Variants in MYRF observed in about 807,000 individuals in gnomAD.
MYRF encodes myelin gene regulatory factor.
MYRF carries 16 observed loss-of-function variants against 126.3 expected under a neutral mutation model. The ratio of observed to expected loss-of-function variants is 0.13; its 90% CI spans 0.09 to 0.19. MYRF has a LOEUF of 0.19. MYRF is among the 10% of genes least tolerant of loss of function. The pLI, the probability that MYRF is intolerant of heterozygous loss-of-function variation, is 1.00. For synonymous variants in MYRF, 608 were observed against 635.3 expected (o/e 0.96, Z 0.65); for missense variants, 1,104 against 1,547.0 (o/e 0.71, Z 4.80).
intron 3 of MYRF, among the ~76,000 whole-genome samples, chr11:61,767,986 C>T (rs1344271473): frequency 3.3e-5 from 5 of 151,820 alleles, no homozygotes; most frequent in South Asian, 2.1e-4. Flanking sequence ...GGTGTGGTGG[C>T]GCATGCCTGT....
intron 1 of MYRF, chr11:61,755,536 G>A (rs541270014): frequency 7.4e-6 from 11 of 1,478,718 alleles, no homozygotes; most frequent in Non-Finnish European, 9.3e-6. Context: ...GGACCTCAGA[G>A]TTCTGGTGCA....
Position 61,776,996 on chromosome 11 carries a change from G to A in MYRF, c.1590+119G>A, listed in dbSNP as rs571407508. 8 of 954,114 alleles carry A rather than the reference G, an allele frequency of 8.4e-6. No individual in the cohort carries two copies. The East Asian group carries it at 2.1e-4, about 25-fold the overall frequency. 59.1% of individuals were successfully genotyped at this position (954,114 alleles called of 1,614,324 possible). On this transcript the variant is annotated intron_variant, in intron 11 of 26. Coordinates refer to ENST00000278836, the MANE Select transcript of MYRF (RefSeq NM_001127392.3). The surrounding 1 kb of genome is among the most constrained non-coding windows in gnomAD (Gnocchi z 4.3). ...GGCATGCTCATCCTGCTAGGCACTG[G>A]CTGTGTGGCCTTGGGCAAAGCTCCC...
intron 18 of MYRF, 47 bp downstream of exon 18, chr11:61,780,337 T>C: frequency 1.3e-6 from 2 of 1,529,764 alleles, no homozygotes; most frequent in Non-Finnish European, 9.0e-7. Flanking sequence ...GGTGGGGCTT[T>C]GGTGGGCAGT....
intron 3 of MYRF, chr11:61,766,992 C>T (rs986386436): frequency 2.6e-5 from 12 of 455,918 alleles, no homozygotes; most frequent in Admixed American, 7.1e-5. Flanking sequence ...CCGTCTGCCT[C>T]GGTAACCCAT....
At chr11:61,773,247 C>T (rs1452987683) in intron 7 of MYRF, among the ~76,000 whole-genome samples, 1 of 152,148 alleles carries the variant, frequency 6.6e-6, no homozygotes, top group African/African-American at 2.4e-5. Flanking sequence ...CTTGGCCTCC[C>T]AAAGTGCTGG....
Position 61,781,759 on chromosome 11 carries a change from C to G in MYRF, c.2951C>G (p.Ala984Gly), listed in dbSNP as rs2066557359. The G allele has an allele frequency of 6.2e-7, 1 of 1,611,246 alleles. No homozygotes were observed. The highest frequency in any genetic ancestry group is 1.1e-5 in the South Asian group (1 of 90,888). The change falls in exon 22 of 27, where the codon GCC becomes GGC. Residue 984 changes from alanine (A) to glycine (G), a missense_variant. Ala to Gly is a moderately conservative substitution (Grantham distance 60, BLOSUM62 0). Coordinates refer to ENST00000278836, the MANE Select transcript of MYRF (RefSeq NM_001127392.3). ...NSPSLGFHGRARRGALQSSVG... is the reference protein window; with the variant it reads ...NSPSLGFHGRGRRGALQSSVG... ...CCCAGCCTTGGTTTCCATGGCCGGG[C>G]CCGCCGAGGGGCCCTCCAGTCCAGC...
rs1203068441 is a variant in MYRF, at chr11:61,762,460, G to A, written c.47-3165G>A. On this transcript the variant is annotated intron_variant, in intron 1 of 26. Coordinates refer to ENST00000278836, the MANE Select transcript of MYRF (RefSeq NM_001127392.3). ...TCAGAGAGGTCTTGAGGATCAGAAC[G>A]AGCCATATGGCCCATGTTCCGCTTC... is the stretch of plus-strand genomic sequence containing the variant. Among the ~76,000 whole-genome samples the A allele has an allele frequency of 3.3e-5, 5 of 152,296 alleles. 1 individual carries two copies. In the South Asian group the frequency reaches 8.3e-4, roughly 25 times the overall value.
In MYRF at chr11:61,757,732, A is replaced by G. The variant is rs1035877722; in HGVS notation, c.46+4942A>G. The G allele has an allele frequency of 2.8e-5, 10 of 353,146 alleles. No individual in the cohort carries two copies. The highest frequency in any genetic ancestry group is 3.4e-5 in the Non-Finnish European group (6 of 177,130). 21.9% of individuals were successfully genotyped at this position (353,146 alleles called of 1,614,324 possible). ...TATTGTGACTTCATCTGCTGCACCCAGGCTCTTTGCACGTTGTCTTCCTGG... is the reference window on the plus strand; with the variant it reads ...TATTGTGACTTCATCTGCTGCACCCGGGCTCTTTGCACGTTGTCTTCCTGG... On this transcript the variant is annotated intron_variant, in intron 1 of 26. Transcript: ENST00000278836. This position sits in a 1 kb window ranked among gnomAD's most constrained non-coding sequence, Gnocchi z 4.7.
intron 20 of MYRF, 42 bp from the exon 21 acceptor site, chr11:61,781,096 C>T (rs1158307745): frequency 6.2e-7 from 1 of 1,611,506 alleles, no homozygotes; most frequent in South Asian, 1.1e-5. Flanking sequence ...TATGTTCTGT[C>T]TTTGGGGCTT....
chr11:61,778,743 T>G lies in MYRF; in HGVS notation c.2013+254T>G. ...AGAAACCCTGTGGAGGGCCATGGCC[T>G]TCCACCCCCGGTAAAATGAGGGCGG... On this transcript the variant is annotated intron_variant, in intron 14 of 26. Coordinates refer to ENST00000278836, the MANE Select transcript of MYRF (RefSeq NM_001127392.3). The surrounding 1 kb of genome is among the most constrained non-coding windows in gnomAD (Gnocchi z 4.6). 1.6e-6 allele frequency: 1 copy of G among 630,608 alleles called. No individual in the cohort carries two copies. The highest frequency in any genetic ancestry group is 3.3e-5 in the East Asian group (1 of 30,582). 39.1% of individuals were successfully genotyped at this position (630,608 alleles called of 1,614,324 possible).
At chr11:61,781,990 A>G in intron 22 of MYRF, 166 bp downstream of exon 22, 1 of 744,118 alleles carries the variant, frequency 1.3e-6, no homozygotes, top group Non-Finnish European at 2.0e-6. Flanking sequence ...CCTTACATAG[A>G]TCATCCCATT....
chr11:61,771,641 G>A lies in MYRF; in HGVS notation c.882G>A (p.Ser294=), dbSNP rs200687811. ...CTCTGCACCCCACTCGAGCCCCATC[G>A]CCACCCTGGCCTCCCCAGGGTCCGC... ...ALPLHPTRAP[S]PPWPPQGPLS... Residue 294 remains serine (S), a synonymous_variant, in exon 6 of 27, where the codon TCG becomes TCA. Coordinates refer to ENST00000278836, the MANE Select transcript of MYRF (RefSeq NM_001127392.3). 4 of 1,613,832 alleles carry A rather than the reference G, an allele frequency of 2.5e-6. No homozygotes were observed. The highest frequency in any genetic ancestry group is 2.2e-5 in the East Asian group (1 of 44,834).
rs199509876 is a variant in MYRF, at chr11:61,774,108, G to A, written c.1257G>A (p.Thr419=). The part of the protein sequence containing the change: ...GMLGEPKYVK[T]PEGLKPLDCF... Reference sequence around the variant, plus strand: ...TGGGCGAGCCCAAGTACGTCAAGACGCCCGAGGGCCTCAAGCCCCTCGACT... The same window carrying A: ...TGGGCGAGCCCAAGTACGTCAAGACACCCGAGGGCCTCAAGCCCCTCGACT... The change falls in exon 8 of 27, where the codon ACG becomes ACA. Residue 419 remains threonine (T), a synonymous_variant. Transcript: ENST00000278836. The A allele has an allele frequency of 9.3e-6, 15 of 1,613,666 alleles. No homozygotes were observed. Among genetic ancestry groups the A allele is most frequent in the African/African-American group, 2.7e-5 (2 of 75,046 alleles).
intron 7 of MYRF, among the ~76,000 whole-genome samples, chr11:61,772,299 C>A (rs890538666): frequency 6.6e-6 from 1 of 152,162 alleles, no homozygotes; most frequent in South Asian, 2.1e-4. Context: ...CTCCCGGCAG[C>A]CCCCTCCCTA....
chr11:61,776,451 T>G lies in MYRF; in HGVS notation c.1499+19T>G. 6.3e-7 allele frequency: 1 copy of G among 1,596,992 alleles called. No individual in the cohort carries two copies. The highest frequency in any genetic ancestry group is 8.6e-7 in the Non-Finnish European group (1 of 1,169,492). ...ACCAGAGGTGAGCAGGTGGGGGCCC[T>G]GCCCCGGAGCCCCTCCATTTCTGAG... On this transcript the variant is annotated intron_variant, in intron 10 of 26. Coordinates refer to ENST00000278836, the MANE Select transcript of MYRF (RefSeq NM_001127392.3). The surrounding 1 kb of genome is among the most constrained non-coding windows in gnomAD (Gnocchi z 4.3).
intron 1 of MYRF, chr11:61,755,461 A>T: frequency 6.2e-7 from 1 of 1,608,772 alleles, no homozygotes; most frequent in Non-Finnish European, 8.5e-7. Context: ...GCCATGGTAT[A>T]AGGGGGCTTT....
In MYRF at chr11:61,752,764, C is replaced by G. The variant is rs1367575757; in HGVS notation, c.20C>G (p.Thr7Arg). 3 of 1,484,556 alleles carry G rather than the reference C, an allele frequency of 2.0e-6. No homozygotes were observed. The highest frequency in any genetic ancestry group is 2.7e-6 in the Non-Finnish European group (3 of 1,122,738). The allele number at this position is 1,484,556 out of a possible 1,614,324, so 92.0% of individuals were successfully genotyped here. A position where few individuals can be genotyped will look rare whatever the true frequency, so the allele number is the denominator to read the frequency against. MEVVDE[T>R]EALQRFFEGH... ...CGGGACATGGAGGTGGTGGACGAGA[C>G]GGAGGCGCTGCAGCGCTTCTTCGAA... is the stretch of plus-strand genomic sequence containing the variant. Residue 7 changes from threonine to arginine, a missense_variant, in exon 1 of 27, where the codon ACG becomes AGG. By Grantham distance (71) the Thr-to-Arg change is moderately conservative (BLOSUM62 -1). Transcript: ENST00000278836.
chr11:61,752,657 C>A lies in MYRF; in HGVS notation c.-88C>A. The stretch of plus-strand genomic sequence containing the variant: ...GACCGTAGCCGGAGCCCAGCCGGGA[C>A]TGTCGCGCGGGCCGCGCCGGCGATG... On this transcript the variant is annotated 5_prime_UTR_variant, in exon 1 of 27. The change creates a new upstream start codon in the 5' untranslated region. Coordinates refer to ENST00000278836, the MANE Select transcript of MYRF (RefSeq NM_001127392.3). 1 of 1,072,634 alleles carries A rather than the reference C, an allele frequency of 9.3e-7. No homozygotes were observed. The highest frequency in any genetic ancestry group is 1.2e-6 in the Non-Finnish European group (1 of 848,130). 66.4% of individuals were successfully genotyped at this position (1,072,634 alleles called of 1,614,324 possible). A position where few individuals can be genotyped will look rare whatever the true frequency, so the allele number is the denominator to read the frequency against.
Position 61,784,404 on chromosome 11 carries a change from C to G in MYRF, c.3300+19C>G, listed in dbSNP as rs752169308. On this transcript the variant is annotated intron_variant, in intron 25 of 26. Coordinates refer to ENST00000278836, the MANE Select transcript of MYRF (RefSeq NM_001127392.3). ...CACCCAGGTAGGTGGGACTGGGAAG[C>G]TGCGGGCCGGCCAGGCCCGAGCTGC... 3.7e-6 allele frequency: 6 copies of G among 1,603,766 alleles called. No homozygotes were observed. Among genetic ancestry groups the G allele is most frequent in the Non-Finnish European group, 5.1e-6 (6 of 1,173,184 alleles).
Sources: allele counts gnomAD v4.1 joint callset (sites outside exome capture counted in the v4.1 genomes callset), GRCh38; gene constraint gnomAD v4.1.1; non-coding constraint Gnocchi (gnomAD v3.1); transcripts MANE v1.5; gene names NCBI Gene and HGNC (gene_info 2026-07-23, HGNC 2026-07-21).